Variants in KATNIP observed in about 807,000 individuals in gnomAD.
The protein encoded by KATNIP is katanin-interacting protein.
KATNIP carries 126 observed loss-of-function variants against 174.0 expected under a neutral mutation model. The ratio of observed to expected loss-of-function variants is 0.72; its 90% CI spans 0.63 to 0.84. The LOEUF is 0.84. Ranked by LOEUF, KATNIP falls within the 40% of genes least tolerant of loss-of-function variation. The pLI is 0.00. For synonymous variants in KATNIP, 810 were observed against 835.7 expected, an observed-to-expected ratio of 0.97 and a Z score of 0.53; for missense variants, 1,958 against 2,109.7, an observed-to-expected ratio of 0.93 and a Z score of 1.41.
At chr16:27,631,532 A>G (rs537289121) in intron 5 of KATNIP, among the ~76,000 whole-genome samples, 28 of 151,586 alleles carry the variant, frequency 1.8e-4, no homozygotes, top group African/African-American at 6.8e-4. Flanking sequence ...GCAACAGAGC[A>G]AGAGCCTGTC....
intron 6 of KATNIP, among the ~76,000 whole-genome samples, chr16:27,666,336 GTATAATTCAAA>G (rs915277548): frequency 6.6e-6 from 1 of 152,196 alleles, no homozygotes; most frequent in African/African-American, 2.4e-5. Flanking sequence ...TAAAACACAT[GTATAATTCAAA>G]TTTTCCTAGC....
chr16:27,682,559 A>T (rs770664783), intron 8 of KATNIP, among the ~76,000 whole-genome samples: 1 of 152,108 alleles, frequency 6.6e-6, no homozygotes, highest in Non-Finnish European at 1.5e-5. Flanking sequence ...TTACCAGGGG[A>T]TGGATCCAGA....
At chr16:27,579,764 C>T (rs1237529932) in intron 2 of KATNIP, among the ~76,000 whole-genome samples, 3 of 152,114 alleles carry the variant, frequency 2.0e-5, no homozygotes, top group Non-Finnish European at 1.5e-5. Flanking sequence ...TGACAGCACA[C>T]TCATCTGCTG....
intron 3 of KATNIP, among the ~76,000 whole-genome samples, chr16:27,627,438 G>A (rs2076366929): frequency 1.3e-5 from 2 of 152,192 alleles, no homozygotes; most frequent in South Asian, 4.1e-4. Flanking sequence ...CTGTGAGTTT[G>A]GTGTGAATGA....
chr16:27,641,327 CT>C lies in KATNIP; in HGVS notation c.409-7276del, dbSNP rs568684345. On this transcript the variant is annotated intron_variant, in intron 5 of 27. Transcript: ENST00000261588. ...CCTATTCTTCATCTCTCAACCCCCCCTGTGCCCCATGTGGTACCAAGACAAG... is the reference window on the plus strand; with the variant it reads ...CCTATTCTTCATCTCTCAACCCCCCCGTGCCCCATGTGGTACCAAGACAAG... Among the ~76,000 whole-genome samples the C allele has an allele frequency of 5.4e-3, 823 of 152,282 alleles. 12 individuals are homozygous for C. The highest frequency in any genetic ancestry group is 0.019 in the African/African-American group (790 of 41,546).
At chr16:27,607,248 A>G (rs1424737876) in intron 2 of KATNIP, among the ~76,000 whole-genome samples, 1 of 152,172 alleles carries the variant, frequency 6.6e-6, no homozygotes, top group African/African-American at 2.4e-5. Context: ...CAGAACAGGA[A>G]TGGATGCTGG....
chr16:27,775,852 C>G (rs1220898265), intron 24 of KATNIP, among the ~76,000 whole-genome samples: 1 of 152,154 alleles, frequency 6.6e-6, no homozygotes, highest in Non-Finnish European at 1.5e-5. Context: ...CAGGAAGGTA[C>G]AGCATCAGCA....
chr16:27,779,252 G>C lies in KATNIP; in HGVS notation c.*623G>C, dbSNP rs1318425593. 6.6e-6 allele frequency: 1 copy of C among 152,106 alleles called. No homozygotes were observed. The highest frequency in any genetic ancestry group is 1.5e-5 in the Non-Finnish European group (1 of 68,122). The allele number at this position is 152,106 out of a possible 1,614,324, so 9.4% of individuals were successfully genotyped here. A position where few individuals can be genotyped will look rare whatever the true frequency, so the allele number is the denominator to read the frequency against. The stretch of plus-strand genomic sequence containing the variant: ...GGGCCTCTCTCCTCTCATCGGGCCT[G>C]ATAAGGGATTGGCCAAGGCTGTGTG... On this transcript the variant is annotated 3_prime_UTR_variant, in exon 28 of 28. Coordinates refer to ENST00000261588, the MANE Select transcript of KATNIP (RefSeq NM_015202.5).
intron 2 of KATNIP, among the ~76,000 whole-genome samples, chr16:27,591,465 G>A (rs1297437061): frequency 6.6e-6 from 1 of 152,152 alleles, no homozygotes; most frequent in Admixed American, 6.5e-5. Context: ...ACAGGTGTGA[G>A]CTACCACGCC....
chr16:27,615,852 GGCTAGAGCCAT>G (rs1185880168), intron 2 of KATNIP, among the ~76,000 whole-genome samples: 1 of 152,084 alleles, frequency 6.6e-6, no homozygotes, highest in Non-Finnish European at 1.5e-5. Context: ...AGAATAATGG[GGCTAGAGCCAT>G]ATTTTGAGAA....
intron 1 of KATNIP, among the ~76,000 whole-genome samples, chr16:27,557,896 T>C (rs1386495917): frequency 1.3e-5 from 2 of 152,180 alleles, no homozygotes; most frequent in Non-Finnish European, 2.9e-5. Flanking sequence ...CTTGAAAATA[T>C]CAATAAAGTC....
At chr16:27,553,631 A>G (rs910066493) in intron 1 of KATNIP, among the ~76,000 whole-genome samples, 2 of 152,178 alleles carry the variant, frequency 1.3e-5, no homozygotes, top group African/African-American at 4.8e-5. Context: ...CTTCGTCAAC[A>G]TAGTGAGACT....
At chr16:27,608,447 A>G (rs1295196292) in intron 2 of KATNIP, among the ~76,000 whole-genome samples, 2 of 116,956 alleles carry the variant, frequency 1.7e-5, no homozygotes, top group African/African-American at 3.4e-5. Context: ...GGGTCCTGCT[A>G]TGTTGCCCAG....
Position 27,761,413 on chromosome 16 carries a change from G to C in KATNIP, c.3632G>C (p.Cys1211Ser), listed in dbSNP as rs765813313. ...TPEPGIYHGI[C>S]LQLNFTASWG... ...TGGGCCACTTCTCTTCCTGTTGCAG[G>C]CCTTCAGCTGAATTTCACTGCCTCC... Residue 1211 changes from cysteine to serine, a missense_variant and splice_region_variant, in exon 19 of 28, where the codon TGC becomes TCC. This residue lies in a region of KATNIP where 1,557 missense variants were observed against 1,617.8 expected (regional missense o/e 0.96). Transcript: ENST00000261588. 2 of 1,605,628 alleles carry C rather than the reference G, an allele frequency of 1.2e-6. No homozygotes were observed. The highest frequency in any genetic ancestry group is 1.7e-6 in the Non-Finnish European group (2 of 1,175,514).
intron 1 of KATNIP, among the ~76,000 whole-genome samples, chr16:27,563,737 G>T (rs2089975982): frequency 6.6e-6 from 1 of 151,816 alleles, no homozygotes; most frequent in Admixed American, 6.6e-5. Context: ...TGGAGGCAGG[G>T]ATACCTACTA....
At chr16:27,559,181 A>G (rs530168835) in intron 1 of KATNIP, among the ~76,000 whole-genome samples, 11 of 152,336 alleles carry the variant, frequency 7.2e-5, no homozygotes, top group Non-Finnish European at 1.3e-4. Flanking sequence ...ATGTAAAAGT[A>G]AGAAAGTGTG....
rs1305612789 is a variant in KATNIP at position 27,577,477 on chromosome 16, A to T, written c.63+3521A>T. Among the ~76,000 whole-genome samples the T allele has an allele frequency of 2.6e-5, 4 of 152,168 alleles. No homozygotes were observed. In the East Asian group the frequency reaches 7.7e-4, roughly 29 times the overall value. On this transcript the variant is annotated intron_variant, in intron 2 of 27. Coordinates refer to ENST00000261588, the MANE Select transcript of KATNIP (RefSeq NM_015202.5). The stretch of plus-strand genomic sequence containing the variant: ...GAGGCTGTGGTGGGCAGATCACCTG[A>T]GGTCAGGAGTTTGAGACCAGCCTGG...
intron 23 of KATNIP, among the ~76,000 whole-genome samples, chr16:27,774,662 A>G (rs1276348270): frequency 6.6e-6 from 1 of 152,092 alleles, no homozygotes; most frequent in African/African-American, 2.4e-5. Flanking sequence ...TTACGTCCCC[A>G]GCTCTGGCAG....
chr16:27,594,157 G>A (rs554003189), intron 2 of KATNIP, among the ~76,000 whole-genome samples: 1 of 152,146 alleles, frequency 6.6e-6, no homozygotes, highest in Non-Finnish European at 1.5e-5. Flanking sequence ...CTACTTGGGA[G>A]GCTGAAGTGG....
Sources: allele counts gnomAD v4.1 joint callset (sites outside exome capture counted in the v4.1 genomes callset), GRCh38; gene constraint gnomAD v4.1.1; regional missense constraint gnomAD v4.1.1; transcripts MANE v1.5; gene names NCBI Gene and HGNC (gene_info 2026-07-23, HGNC 2026-07-21).